The following UTRN variants were observed in gnomAD, a reference collection of about 807,000 sequenced individuals.
UTRN encodes the protein dystrophin-related protein 1.
UTRN carries 283 observed loss-of-function variants against 463.9 expected under a neutral mutation model. That is an observed-to-expected ratio of 0.61 (90% CI 0.55 to 0.67). The LOEUF (loss-of-function observed/expected upper bound fraction) is 0.67. Among genes scored for constraint, UTRN ranks in the 30% least tolerant of loss-of-function variants. The pLI, the probability that UTRN is intolerant of heterozygous loss-of-function variation, is 0.00. For missense variants in UTRN, 3,922 were observed against 4,084.3 expected, an observed-to-expected ratio of 0.96 and a Z score of 1.08; for synonymous variants, 1,442 against 1,431.5, an observed-to-expected ratio of 1.01 and a Z score of -0.17.
intron 53 of UTRN, among the ~76,000 whole-genome samples, chr6:144,712,351 GC>G (rs1283005504): frequency 6.6e-6 from 1 of 152,148 alleles, no homozygotes; most frequent in Non-Finnish European, 1.5e-5. Context: ...ACCCCAAAGG[GC>G]CATAGAATGT....
chr6:144,441,245 G>A (rs1302776730), intron 13 of UTRN, among the ~76,000 whole-genome samples: 1 of 152,152 alleles, frequency 6.6e-6, no homozygotes, highest in African/African-American at 2.4e-5. Context: ...CTGAGACAAG[G>A]CAAGTCCCTT....
chr6:144,816,800 G>A (rs549776812), intron 65 of UTRN, among the ~76,000 whole-genome samples: 10 of 145,014 alleles, frequency 6.9e-5, no homozygotes, highest in South Asian at 6.5e-4. Context: ...GGCTGGTCTC[G>A]AACTCCTGAG....
chr6:144,811,181 A>C (rs1778578147), intron 65 of UTRN, among the ~76,000 whole-genome samples: 1 of 152,146 alleles, frequency 6.6e-6, no homozygotes, highest in African/African-American at 2.4e-5. Context: ...AAAAGAACAA[A>C]GAAAAAAATC....
intron 61 of UTRN, among the ~76,000 whole-genome samples, chr6:144,786,428 G>A (rs1776297263): frequency 1.3e-5 from 2 of 152,144 alleles, no homozygotes; most frequent in South Asian, 4.1e-4. Context: ...TGGGATTACA[G>A]GCACGCGCCA....
intron 2 of UTRN, among the ~76,000 whole-genome samples, chr6:144,388,035 A>G (rs971364655): frequency 1.3e-5 from 2 of 152,242 alleles, no homozygotes; most frequent in Non-Finnish European, 2.9e-5. Flanking sequence ...AGATGGGTGC[A>G]TTAAAGAAAA....
At chr6:144,321,042 C>T (rs1775605793) in intron 2 of UTRN, among the ~76,000 whole-genome samples, 1 of 152,200 alleles carries the variant, frequency 6.6e-6, no homozygotes, top group African/African-American at 2.4e-5. Context: ...GCATCTCTAG[C>T]TCATCATATT....
chr6:144,816,836 T>C (rs1264227763), intron 65 of UTRN, among the ~76,000 whole-genome samples: 1 of 151,370 alleles, frequency 6.6e-6, no homozygotes, highest in Non-Finnish European at 1.5e-5. Context: ...CTCCTTGGCC[T>C]CCCAAAGTGC....
At chr6:144,731,541 C>G (rs1788517860) in intron 54 of UTRN, among the ~76,000 whole-genome samples, 1 of 148,834 alleles carries the variant, frequency 6.7e-6, no homozygotes. Flanking sequence ...TTGACTATAA[C>G]TGGAACTGGA....
chr6:144,710,288 A>G (rs1004686861), intron 53 of UTRN, among the ~76,000 whole-genome samples: 3 of 152,230 alleles, frequency 2.0e-5, no homozygotes, highest in Non-Finnish European at 4.4e-5. Context: ...AAACATGACA[A>G]TCATTCTACA....
intron 3 of UTRN, among the ~76,000 whole-genome samples, chr6:144,405,058 G>A (rs1428600449): frequency 6.6e-6 from 1 of 152,060 alleles, no homozygotes; most frequent in East Asian, 1.9e-4. Flanking sequence ...TTTAGTAAAA[G>A]TTATAGTTAG....
At chr6:144,805,410 G>A (rs537487142) in intron 65 of UTRN, among the ~76,000 whole-genome samples, 73 of 152,334 alleles carry the variant, frequency 4.8e-4, no homozygotes, top group African/African-American at 1.7e-3. Flanking sequence ...AGTAAGGTTT[G>A]TCTGAGTTGA....
intron 2 of UTRN, among the ~76,000 whole-genome samples, chr6:144,336,885 T>G (rs557548973): frequency 1.3e-5 from 2 of 152,250 alleles, no homozygotes; most frequent in South Asian, 2.1e-4. Context: ...GGAAGGGCCA[T>G]CCCAGGGATG....
At chr6:144,538,630 A>G (rs1321012049) in intron 44 of UTRN, among the ~76,000 whole-genome samples, 1 of 151,340 alleles carries the variant, frequency 6.6e-6, no homozygotes, top group Non-Finnish European at 1.5e-5. Context: ...AGATCGTGCC[A>G]CTGCACTCCA....
chr6:144,301,536 CTTT>C (rs200484231), intron 2 of UTRN, among the ~76,000 whole-genome samples: 5,098 of 92,130 alleles, frequency 0.055, 257 homozygotes, highest in African/African-American at 0.19. Context: ...TTCTTTCTTT[CTTT>C]TTTTTTTTTT....
At chr6:144,533,341 C>G in intron 43 of UTRN, 81 bp downstream of exon 43, 5 of 1,529,678 alleles carry the variant, frequency 3.3e-6, no homozygotes, top group Non-Finnish European at 4.4e-6. Flanking sequence ...CTAATGAGTT[C>G]TTTTATTGTT....
At chr6:144,330,083 C>T (rs1305117735) in intron 2 of UTRN, among the ~76,000 whole-genome samples, 1 of 152,180 alleles carries the variant, frequency 6.6e-6, no homozygotes, top group African/African-American at 2.4e-5. Flanking sequence ...TCATAGGGAC[C>T]TGGAATGAGT....
At chr6:144,434,070 C>T (rs1163287999) in intron 9 of UTRN, among the ~76,000 whole-genome samples, 2 of 152,240 alleles carry the variant, frequency 1.3e-5, no homozygotes, top group Non-Finnish European at 2.9e-5. Flanking sequence ...GCTGAGTGAA[C>T]TAGACTCCGT....
chr6:144,632,907 G>A (rs986894239), intron 51 of UTRN, among the ~76,000 whole-genome samples: 1 of 151,750 alleles, frequency 6.6e-6, no homozygotes, highest in Non-Finnish European at 1.5e-5. Context: ...TTTTAGTAGA[G>A]ACAGGGTTTC....
chr6:144,817,943 C>A (rs775888778), intron 65 of UTRN, among the ~76,000 whole-genome samples: 1 of 151,986 alleles, frequency 6.6e-6, no homozygotes, highest in Non-Finnish European at 1.5e-5. Context: ...TTGGGGACAG[C>A]AAGTAGTTGT....
Sources: allele counts gnomAD v4.1 joint callset (sites outside exome capture counted in the v4.1 genomes callset), GRCh38; gene constraint gnomAD v4.1.1; transcripts MANE v1.5; gene names NCBI Gene and HGNC (gene_info 2026-07-23, HGNC 2026-07-21).